The following RFTN1 variants were observed in gnomAD, a reference collection of about 807,000 sequenced individuals.
The protein encoded by RFTN1 is raftlin.
In RFTN1, 26 loss-of-function variants were observed where a neutral mutation model predicts 46.5. The observed-to-expected ratio is 0.56, with a 90% confidence interval of 0.41 to 0.78. The LOEUF (loss-of-function observed/expected upper bound fraction) is 0.78, where lower values mean the gene tolerates loss of function less well. Ranked by LOEUF, RFTN1 falls within the 30% of genes least tolerant of loss-of-function variation. The probability of loss-of-function intolerance (pLI) is 0.00; values close to 1 mark genes in which losing one functional copy is unlikely to be tolerated. For synonymous variants in RFTN1, 261 were observed against 284.2 expected (o/e 0.92, Z 0.82); for missense variants, 693 against 718.7 (o/e 0.96, Z 0.41).
Position 16,426,191 on chromosome 3 carries a change from C to T in RFTN1, c.332+7660G>A, listed in dbSNP as rs1249689695. On this transcript the variant is annotated intron_variant, in intron 3 of 9. Coordinates refer to ENST00000334133, the MANE Select transcript of RFTN1 (RefSeq NM_015150.2). The surrounding 1 kb of genome is among the most constrained non-coding windows in gnomAD (Gnocchi z 5.9). The stretch of plus-strand genomic sequence containing the variant: ...CCCCACGTGTGATTCCAACAATCAG[C>T]GCACTCTAGGGCTGATCCTCGGCCT... Among the ~76,000 whole-genome samples, 5 of 152,112 alleles carry T rather than the reference C, an allele frequency of 3.3e-5. No homozygotes were observed. The highest frequency in any genetic ancestry group is 5.9e-5 in the Non-Finnish European group (4 of 68,026).
chr3:16,390,355 C>T (rs992779219), intron 4 of RFTN1, among the ~76,000 whole-genome samples: 1 of 152,190 alleles, frequency 6.6e-6, no homozygotes. Flanking sequence ...GAGGATAACA[C>T]AAAAGCTCTG....
rs1160106488 is a variant in RFTN1, at chr3:16,345,830, GCGCGCA to G, written c.1146+12096_1146+12101del. 9.8e-4 allele frequency among the ~76,000 whole-genome samples: 80 copies of G among 81,828 alleles called. No homozygotes were observed. The highest frequency in any genetic ancestry group is 3.1e-3 in the South Asian group (5 of 1,590). The allele number at this position is 81,828 out of a possible 152,430, so 53.7% of individuals were successfully genotyped here. A position where few individuals can be genotyped will look rare whatever the true frequency, so the allele number is the denominator to read the frequency against. ...TGTGTGTGTGTGTGCGCGCGCGCGT[GCGCGCA>G]CGCGCACATGTGCATGTGTATGTGT... On this transcript the variant is annotated intron_variant, in intron 7 of 9. Transcript: ENST00000334133. This position sits in a 1 kb window ranked among gnomAD's most constrained non-coding sequence, Gnocchi z 5.2.
chr3:16,332,440 G>A (rs1413025939), intron 7 of RFTN1, among the ~76,000 whole-genome samples: 2 of 147,462 alleles, frequency 1.4e-5, no homozygotes, highest in East Asian at 2.0e-4. Flanking sequence ...ACAGCATCTT[G>A]TTTTTGCTTC....
intron 1 of RFTN1, among the ~76,000 whole-genome samples, chr3:16,508,241 G>C (rs2076842207): frequency 1.3e-5 from 2 of 152,122 alleles, no homozygotes; most frequent in South Asian, 4.2e-4. Flanking sequence ...CATGTAACTG[G>C]GACATCAAAG....
Position 16,376,238 on chromosome 3 carries a change from TACA to T in RFTN1, c.826+1477_826+1479del, listed in dbSNP as rs1192194316. On this transcript the variant is annotated intron_variant, in intron 5 of 9. Transcript: ENST00000334133. This position sits in a 1 kb window ranked among gnomAD's most constrained non-coding sequence, Gnocchi z 4.7. ...CAAACAGTGCCGAGTGCTTTAAATG[TACA>T]ACTTTAACCTTTCCATGAGAAACTA... 1.3e-5 allele frequency among the ~76,000 whole-genome samples: 2 copies of T among 152,196 alleles called. No homozygotes were observed. Among genetic ancestry groups the T allele is most frequent in the African/African-American group, 4.8e-5 (2 of 41,452 alleles).
Position 16,335,332 on chromosome 3 carries a change from T to G in RFTN1, c.1147-8456A>C, listed in dbSNP as rs2070741111. Among the ~76,000 whole-genome samples, 1 of 151,774 alleles carries G rather than the reference T, an allele frequency of 6.6e-6. No homozygotes were observed. The highest frequency in any genetic ancestry group is 3.4e-3 in the Middle Eastern group (1 of 294). ...AGAAGATGAACGAAAATGGGCTGAGTGGGAAGGAATCAGCCCTTGGACAAT... is the reference window on the plus strand; with the variant it reads ...AGAAGATGAACGAAAATGGGCTGAGGGGGAAGGAATCAGCCCTTGGACAAT... On this transcript the variant is annotated intron_variant, in intron 7 of 9. Transcript: ENST00000334133. The surrounding 1 kb of genome is among the most constrained non-coding windows in gnomAD (Gnocchi z 4.7).
intron 3 of RFTN1, chr3:16,416,136 C>T (rs2075075579): frequency 8.9e-6 from 4 of 451,956 alleles, no homozygotes; most frequent in Admixed American, 7.2e-5. Context: ...ATTTGAGAGG[C>T]TGTATTTCAC....
chr3:16,408,332 C>T (rs1005894389), intron 4 of RFTN1, among the ~76,000 whole-genome samples: 1 of 152,192 alleles, frequency 6.6e-6, no homozygotes, highest in African/African-American at 2.4e-5. Context: ...ACTAGTTCGG[C>T]TGTTTTATTC....
rs1216874566 is a variant in RFTN1 at position 16,504,305 on chromosome 3, A to T, written c.-9+9137T>A. Among the ~76,000 whole-genome samples the T allele has an allele frequency of 7.2e-5, 11 of 152,226 alleles. No homozygotes were observed. ...AATTACTTGCTAATGGGATGTGTGCATCTGTTGGACACTGAGCAACTTCTC... is the reference window on the plus strand; with the variant it reads ...AATTACTTGCTAATGGGATGTGTGCTTCTGTTGGACACTGAGCAACTTCTC... On this transcript the variant is annotated intron_variant, in intron 1 of 9. Transcript: ENST00000334133. This position sits in a 1 kb window ranked among gnomAD's most constrained non-coding sequence, Gnocchi z 4.4.
chr3:16,326,733 A>C (rs1315420082), intron 8 of RFTN1, 40 bp downstream of exon 8: 1 of 1,432,492 alleles, frequency 7.0e-7, no homozygotes, highest in East Asian at 2.3e-5. Flanking sequence ...AGCACAGAGT[A>C]AGTGTTCAAT....
At chr3:16,364,439 T>G (rs1028696163) in intron 6 of RFTN1, among the ~76,000 whole-genome samples, 4 of 152,214 alleles carry the variant, frequency 2.6e-5, no homozygotes, top group African/African-American at 9.6e-5. Flanking sequence ...GACATTGAGC[T>G]ACTACTATGG....
rs1285957697 is a variant in RFTN1 at position 16,458,884 on chromosome 3, G to A, written c.146-24847C>T. On this transcript the variant is annotated intron_variant, in intron 2 of 9. Coordinates refer to ENST00000334133, the MANE Select transcript of RFTN1 (RefSeq NM_015150.2). This position sits in a 1 kb window ranked among gnomAD's most constrained non-coding sequence, Gnocchi z 5.1. ...CAGGGGAGTCATCTGAAAACATGGT[G>A]CTTAGCTTCACGAATTCCCTAAAAG... Among the ~76,000 whole-genome samples, 2 of 152,164 alleles carry A rather than the reference G, an allele frequency of 1.3e-5. No individual in the cohort carries two copies. The highest frequency in any genetic ancestry group is 2.9e-5 in the Non-Finnish European group (2 of 68,034).
rs145793354 is a variant in RFTN1 at position 16,357,968 on chromosome 3, A to G, written c.1110T>C (p.Tyr370=). 2.8e-3 allele frequency: 4,466 copies of G among 1,610,864 alleles called. 27 individuals are homozygous for G. Among genetic ancestry groups the G allele is most frequent in the Non-Finnish European group, 3.2e-3 (3,807 of 1,178,172 alleles). ...TCCATTGTTCAACCACAATAGCATC[A>G]TAGCCCTGTATGGTTTTGCTATCTT... ...STEDSKTIQG[Y]DAIVVEQWTV... The change falls in exon 7 of 10, where the codon TAT becomes TAC. Residue 370 remains tyrosine (Y), a synonymous_variant. Transcript: ENST00000334133.
rs1198874054 is a variant in RFTN1 at position 16,321,370 on chromosome 3, T to C, written c.1332+2006A>G. ...GGAACTTAGTGGGAAACCAGGAGAATGAGGTGGGAAAGAACCAAGAGAAAA... is the reference window on the plus strand; with the variant it reads ...GGAACTTAGTGGGAAACCAGGAGAACGAGGTGGGAAAGAACCAAGAGAAAA... On this transcript the variant is annotated intron_variant, in intron 9 of 9. Transcript: ENST00000334133. The surrounding 1 kb of genome is among the most constrained non-coding windows in gnomAD (Gnocchi z 4.8). Among the ~76,000 whole-genome samples the C allele has an allele frequency of 6.6e-6, 1 of 151,804 alleles. No homozygotes were observed. Among genetic ancestry groups the C allele is most frequent in the Non-Finnish European group, 1.5e-5 (1 of 67,940 alleles).
chr3:16,463,070 A>G (rs2076034785), intron 2 of RFTN1, among the ~76,000 whole-genome samples: 1 of 152,264 alleles, frequency 6.6e-6, no homozygotes, highest in Non-Finnish European at 1.5e-5. Flanking sequence ...ACAGAAATCT[A>G]CAATGCCAGT....
chr3:16,377,533 A>G (rs898334930), intron 5 of RFTN1, among the ~76,000 whole-genome samples, 185 bp downstream of exon 5: 8 of 152,238 alleles, frequency 5.3e-5, no homozygotes, highest in African/African-American at 1.9e-4. Context: ...CCCAGAAGTC[A>G]TAACTTCAGT....
rs540437091 is a variant in RFTN1 at position 16,489,550 on chromosome 3, A to G, written c.145+4175T>C. ...TGTGATGAGGGTTTTATGGGTTGGA[A>G]CACTTTAAATATGTGCAATGTAGTG... On this transcript the variant is annotated intron_variant, in intron 2 of 9. Coordinates refer to ENST00000334133, the MANE Select transcript of RFTN1 (RefSeq NM_015150.2). The surrounding 1 kb of genome is among the most constrained non-coding windows in gnomAD (Gnocchi z 4.0). Among the ~76,000 whole-genome samples, 4 of 152,324 alleles carry G rather than the reference A, an allele frequency of 2.6e-5. No homozygotes were observed. Among genetic ancestry groups the G allele is most frequent in the South Asian group, 4.1e-4 (2 of 4,826 alleles).
chr3:16,373,990 C>T lies in RFTN1; in HGVS notation c.827-3711G>A, dbSNP rs1420859693. Among the ~76,000 whole-genome samples, 3 of 152,188 alleles carry T rather than the reference C, an allele frequency of 2.0e-5. No individual in the cohort carries two copies. In the East Asian group the frequency reaches 5.8e-4, roughly 29 times the overall value. On this transcript the variant is annotated intron_variant, in intron 5 of 9. Coordinates refer to ENST00000334133, the MANE Select transcript of RFTN1 (RefSeq NM_015150.2). ...TAATAGCAGGTACTAATAGTGAGGC[C>T]CGCTTGCCAGGGCAGCAGGAAAGGC...
intron 2 of RFTN1, among the ~76,000 whole-genome samples, chr3:16,436,024 C>T (rs188655610): frequency 1.3e-5 from 2 of 150,444 alleles, no homozygotes; most frequent in African/African-American, 4.9e-5. Flanking sequence ...ATTTATCTGC[C>T]ATCAGTGATG....
Sources: allele counts gnomAD v4.1 joint callset (sites outside exome capture counted in the v4.1 genomes callset), GRCh38; gene constraint gnomAD v4.1.1; non-coding constraint Gnocchi (gnomAD v3.1); transcripts MANE v1.5; gene names NCBI Gene and HGNC (gene_info 2026-07-23, HGNC 2026-07-21).